EPS15L1: variants seen among roughly 807,000 people sequenced by gnomAD.
EPS15L1 encodes the protein epidermal growth factor receptor substrate 15-like 1.
EPS15L1 carries 43 observed loss-of-function variants against 117.1 expected under a neutral mutation model. The observed-to-expected ratio is 0.37, with a 90% CI of 0.29 to 0.47. The LOEUF (loss-of-function observed/expected upper bound fraction) is 0.47, where lower values mean the gene tolerates loss of function less well. EPS15L1 is among the 20% of genes least tolerant of loss of function. The pLI, the probability that EPS15L1 is intolerant of heterozygous loss-of-function variation, is 0.99. For synonymous variants in EPS15L1, 459 were observed against 470.5 expected (o/e 0.98, Z 0.32); for missense variants, 981 against 1,164.0 (o/e 0.84, Z 2.29).
At position 16,404,581 on chromosome 19, in the gene EPS15L1, G is replaced by A; in HGVS notation, c.1428+7C>T. 6.2e-7 allele frequency: 1 copy of A among 1,613,952 alleles called. No homozygotes were observed. The highest frequency in any genetic ancestry group is 8.5e-7 in the Non-Finnish European group (1 of 1,179,974). On this transcript the variant is annotated splice_region_variant and intron_variant, in intron 14 of 23. Coordinates refer to ENST00000455140, the MANE Select transcript of EPS15L1 (RefSeq NM_001258374.3). The surrounding 1 kb of genome is among the most constrained non-coding windows in gnomAD (Gnocchi z 4.2). The stretch of plus-strand genomic sequence containing the variant: ...AGGGCGCTGCCCCGGAGGTGGCCGG[G>A]ACCCACCATCTGAGTCTCATCCTGG...
chr19:16,416,191 G>A (rs565589658), intron 12 of EPS15L1, among the ~76,000 whole-genome samples: 2 of 152,100 alleles, frequency 1.3e-5, no homozygotes, highest in South Asian at 4.2e-4. Context: ...CCCCCAGCTA[G>A]GACCAGGATC....
intron 12 of EPS15L1, among the ~76,000 whole-genome samples, chr19:16,414,964 C>A (rs1168085694): frequency 6.6e-6 from 1 of 152,140 alleles, no homozygotes; most frequent in Non-Finnish European, 1.5e-5. Flanking sequence ...GCCTTGGCCT[C>A]CCAAAGCACT....
chr19:16,461,791 T>G (rs1182163686), intron 1 of EPS15L1, among the ~76,000 whole-genome samples: 1 of 152,202 alleles, frequency 6.6e-6, no homozygotes, highest in Non-Finnish European at 1.5e-5. Flanking sequence ...CCCTGACTGC[T>G]GTCACCGGCC....
chr19:16,455,080 G>GATC, intron 1 of EPS15L1, among the ~76,000 whole-genome samples: 1 of 151,672 alleles, frequency 6.6e-6, no homozygotes, highest in South Asian at 2.1e-4. Flanking sequence ...AGTGAGCCAG[G>GATC]ATCACATCAT....
chr19:16,447,283 T>C (rs1288006938), intron 1 of EPS15L1, among the ~76,000 whole-genome samples: 2 of 152,078 alleles, frequency 1.3e-5, no homozygotes. Flanking sequence ...CCATCAGAGG[T>C]TTCTACAGCA....
intron 15 of EPS15L1, 83 bp from the exon 16 acceptor site, chr19:16,402,568 G>T (rs985323297): frequency 7.8e-7 from 1 of 1,283,778 alleles, no homozygotes; most frequent in Non-Finnish European, 1.1e-6. Flanking sequence ...AAAACACAGG[G>T]TCTCACTCTG....
intron 1 of EPS15L1, among the ~76,000 whole-genome samples, chr19:16,466,850 C>A (rs2093309285): frequency 6.6e-6 from 1 of 151,086 alleles, no homozygotes; most frequent in Non-Finnish European, 1.5e-5. Flanking sequence ...TTGCAGTGAG[C>A]CAAGACAGCG....
chr19:16,441,005 C>T lies in EPS15L1; in HGVS notation c.166-96G>A, dbSNP rs915996432. 2.6e-5 allele frequency: 31 copies of T among 1,201,958 alleles called. 1 individual carries two copies. Among genetic ancestry groups the T allele is most frequent in the South Asian group, 2.2e-4 (18 of 82,606 alleles). 74.5% of individuals were successfully genotyped at this position (1,201,958 alleles called of 1,614,324 possible). On this transcript the variant is annotated intron_variant, in intron 3 of 23. Transcript: ENST00000455140. ...CGCCACCACCCCATCACTGGCCTTGCGGGGCAGGAGTGACTGTCCCCAGGT... is the reference window on the plus strand; with the variant it reads ...CGCCACCACCCCATCACTGGCCTTGTGGGGCAGGAGTGACTGTCCCCAGGT...
intron 19 of EPS15L1, among the ~76,000 whole-genome samples, chr19:16,391,925 A>G (rs1292007870): frequency 6.6e-6 from 1 of 151,856 alleles, no homozygotes; most frequent in Non-Finnish European, 1.5e-5. Flanking sequence ...CCATGCGAGC[A>G]TGTGGTGCTT....
intron 1 of EPS15L1, among the ~76,000 whole-genome samples, chr19:16,469,020 A>G (rs1187098526): frequency 6.6e-6 from 1 of 152,170 alleles, no homozygotes; most frequent in Non-Finnish European, 1.5e-5. Context: ...ACCCTGTCTC[A>G]AAAATCAAAA....
At chr19:16,463,297 T>C (rs973527042) in intron 1 of EPS15L1, among the ~76,000 whole-genome samples, 5 of 152,156 alleles carry the variant, frequency 3.3e-5, no homozygotes, top group African/African-American at 1.2e-4. Flanking sequence ...AACCTGACGG[T>C]TGCAGACACT....
In EPS15L1 at chr19:16,467,416, C is replaced by G. The variant is rs544228817; in HGVS notation, c.33+4497G>C. Among the ~76,000 whole-genome samples, 365 of 152,118 alleles carry G rather than the reference C, an allele frequency of 2.4e-3. 1 individual carries two copies. Among genetic ancestry groups the G allele is most frequent in the Non-Finnish European group, 3.8e-3 (258 of 67,978 alleles). On this transcript the variant is annotated intron_variant, in intron 1 of 23. Coordinates refer to ENST00000455140, the MANE Select transcript of EPS15L1 (RefSeq NM_001258374.3). ...CCACCTGCCTCAGCCTCCCAAAGTGCTAGGATTACAGGCGTCAGCCACTGC... is the reference window on the plus strand; with the variant it reads ...CCACCTGCCTCAGCCTCCCAAAGTGGTAGGATTACAGGCGTCAGCCACTGC...
intron 8 of EPS15L1, among the ~76,000 whole-genome samples, chr19:16,428,208 A>G (rs570960497): frequency 9.4e-5 from 14 of 149,132 alleles, no homozygotes; most frequent in Admixed American, 2.7e-4. Context: ...ATCAAAAAAA[A>G]AAAGAAAGAA....
intron 1 of EPS15L1, among the ~76,000 whole-genome samples, chr19:16,455,088 C>A (rs532994898): frequency 1.3e-3 from 197 of 151,978 alleles, no homozygotes; most frequent in African/African-American, 4.5e-3. Context: ...AGGATCACAT[C>A]ATTGCACTCC....
chr19:16,398,761 G>A (rs903246485), intron 16 of EPS15L1, among the ~76,000 whole-genome samples: 3 of 152,120 alleles, frequency 2.0e-5, no homozygotes, highest in Non-Finnish European at 4.4e-5. Flanking sequence ...GACCTGCTCC[G>A]CTTCTGACCA....
At chr19:16,449,058 G>A (rs949783976) in intron 1 of EPS15L1, among the ~76,000 whole-genome samples, 2 of 152,072 alleles carry the variant, frequency 1.3e-5, no homozygotes, top group African/African-American at 4.8e-5. Flanking sequence ...AGGACTGCTT[G>A]AGCCCAGGAG....
chr19:16,469,404 A>T (rs2093329633), intron 1 of EPS15L1, among the ~76,000 whole-genome samples: 1 of 152,144 alleles, frequency 6.6e-6, no homozygotes, highest in African/African-American at 2.4e-5. Context: ...GGCCACCGGT[A>T]ACCTCGGGGA....
intron 1 of EPS15L1, among the ~76,000 whole-genome samples, chr19:16,452,517 A>C (rs1473606951): frequency 6.6e-6 from 1 of 151,602 alleles, no homozygotes; most frequent in Admixed American, 6.6e-5. Context: ...CTACTCGAGA[A>C]GCTAAGGCAG....
intron 1 of EPS15L1, among the ~76,000 whole-genome samples, chr19:16,462,016 G>C (rs1371853717): frequency 6.6e-6 from 1 of 152,216 alleles, no homozygotes; most frequent in Non-Finnish European, 1.5e-5. Flanking sequence ...GCAGGGAGCA[G>C]GAAAGACAGA....
Sources: allele counts gnomAD v4.1 joint callset (sites outside exome capture counted in the v4.1 genomes callset), GRCh38; gene constraint gnomAD v4.1.1; non-coding constraint Gnocchi (gnomAD v3.1); transcripts MANE v1.5; gene names NCBI Gene and HGNC (gene_info 2026-07-23, HGNC 2026-07-21).